Variants in ASS1 observed in about 807,000 individuals in gnomAD.
The protein encoded by ASS1 is argininosuccinate synthase.
In ASS1, 58 loss-of-function variants were observed where a neutral mutation model predicts 60.5. The observed-to-expected ratio is 0.96, with a 90% confidence interval of 0.78 to 1.19. The LOEUF (loss-of-function observed/expected upper bound fraction) is 1.19. ASS1 is among the 50% of genes most tolerant of loss of function. The pLI, the probability that ASS1 is intolerant of heterozygous loss-of-function variation, is 0.00. For synonymous variants in ASS1, 200 were observed against 206.9 expected (o/e 0.97, Z 0.29); for missense variants, 454 against 547.3 (o/e 0.83, Z 1.70).
intron 6 of ASS1, among the ~76,000 whole-genome samples, chr9:130,468,590 C>T (rs502166): frequency 0.92 from 140,223 of 152,130 alleles, 65,657 homozygotes; most frequent in East Asian, 1. Flanking sequence ...TTTTGTTTTT[C>T]ATATATTTAT....
intron 2 of ASS1, 21 bp from the exon 3 acceptor site, chr9:130,454,284 C>T: frequency 6.2e-7 from 1 of 1,606,376 alleles, no homozygotes; most frequent in Non-Finnish European, 8.5e-7. Flanking sequence ...CTGACGGAGC[C>T]TCTCCGCTTC....
intron 6 of ASS1, among the ~76,000 whole-genome samples, chr9:130,467,301 C>T (rs1845766342): frequency 6.6e-6 from 1 of 152,184 alleles, no homozygotes; most frequent in Admixed American, 6.5e-5. Flanking sequence ...TTTTATGGCA[C>T]CAGCCCTTTT....
chr9:130,493,747 T>TGGCCTGCC (rs1230800845), intron 12 of ASS1, among the ~76,000 whole-genome samples: 1 of 150,832 alleles, frequency 6.6e-6, no homozygotes, highest in Non-Finnish European at 1.5e-5. Flanking sequence ...CCCCCCGCCA[T>TGGCCTGCC]GGCCTGCCTG....
chr9:130,470,814 G>A lies in ASS1; in HGVS notation c.496-20G>A, dbSNP rs1845848812. ...CCTTCCAGCCGCCTTACCTCCACCTGTGCTGTCTCTTTCCTGCAGCAACAC... is the reference window on the plus strand; with the variant it reads ...CCTTCCAGCCGCCTTACCTCCACCTATGCTGTCTCTTTCCTGCAGCAACAC... On this transcript the variant is annotated intron_variant, in intron 6 of 14. Coordinates refer to ENST00000352480, the MANE Select transcript of ASS1 (RefSeq NM_054012.4). This position sits in a 1 kb window ranked among gnomAD's most constrained non-coding sequence, Gnocchi z 4.3. 1 of 1,613,372 alleles carries A rather than the reference G, an allele frequency of 6.2e-7. No individual in the cohort carries two copies. Among genetic ancestry groups the A allele is most frequent in the Admixed American group, 1.7e-5 (1 of 60,024 alleles).
intron 11 of ASS1, among the ~76,000 whole-genome samples, chr9:130,484,235 C>T (rs994558593): frequency 6.6e-6 from 1 of 152,150 alleles, no homozygotes; most frequent in Non-Finnish European, 1.5e-5. Context: ...AGCCTTTAGT[C>T]CAGGTGCCCT....
chr9:130,475,006 C>T (rs1845979866), intron 8 of ASS1, among the ~76,000 whole-genome samples: 1 of 152,194 alleles, frequency 6.6e-6, no homozygotes, highest in Non-Finnish European at 1.5e-5. Flanking sequence ...TCACATCGTA[C>T]CTTGGAGGTG....
rs771640767 is a variant in ASS1, at chr9:130,489,405, G to C, written c.911G>C (p.Arg304Pro). The C allele has an allele frequency of 6.2e-7, 1 of 1,613,908 alleles. No individual in the cohort carries two copies. Among genetic ancestry groups the C allele is most frequent in the African/African-American group, 1.3e-5 (1 of 74,848 alleles). ...HLDIEAFTMD[R>P]EVRKIKQGLG... ...GACATCGAGGCCTTCACCATGGACC[G>C]GGAAGTGCGCAAAATCAAACAAGGC... Residue 304 changes from arginine (R) to proline (P), a missense_variant, in exon 12 of 15, where the codon CGG (arginine) becomes CCG (proline). Transcript: ENST00000352480. The surrounding 1 kb of genome is among the most constrained non-coding windows in gnomAD (Gnocchi z 4.1).
intron 11 of ASS1, among the ~76,000 whole-genome samples, chr9:130,485,216 C>T (rs184724703): frequency 3.3e-4 from 50 of 152,342 alleles, no homozygotes; most frequent in African/African-American, 1.1e-3. Flanking sequence ...ATGCTGTGGC[C>T]TCGAATGTTC....
At chr9:130,449,928 A>T (rs1240007520) in intron 1 of ASS1, among the ~76,000 whole-genome samples, 1 of 152,208 alleles carries the variant, frequency 6.6e-6, no homozygotes, top group African/African-American at 2.4e-5. Context: ...AAACTTTGTT[A>T]TGATGTTGGC....
chr9:130,467,279 G>A (rs1036951240), intron 6 of ASS1, among the ~76,000 whole-genome samples: 4 of 152,186 alleles, frequency 2.6e-5, no homozygotes, highest in Non-Finnish European at 4.4e-5. Flanking sequence ...AGGGACAGTC[G>A]CAGACAAAGC....
intron 3 of ASS1, among the ~76,000 whole-genome samples, chr9:130,456,428 T>C (rs960871426): frequency 6.6e-6 from 1 of 151,942 alleles, no homozygotes; most frequent in African/African-American, 2.4e-5. Flanking sequence ...ATCACACCAT[T>C]GCACTCCATC....
rs79576332 is a variant in ASS1 at position 130,470,191 on chromosome 9, G to A, written c.496-643G>A. Among the ~76,000 whole-genome samples the A allele has an allele frequency of 0.027, 4,134 of 152,322 alleles. 46 individuals carry two copies. Among genetic ancestry groups the A allele is most frequent in the Middle Eastern group, 0.058 (17 of 294 alleles). On this transcript the variant is annotated intron_variant, in intron 6 of 14. Coordinates refer to ENST00000352480, the MANE Select transcript of ASS1 (RefSeq NM_054012.4). This position sits in a 1 kb window ranked among gnomAD's most constrained non-coding sequence, Gnocchi z 4.3. ...AGCCCTCTTAGCCTGGGCCTCCTGG[G>A]CAGAGGTGGGTGTCCTCCTGTAACA...
intron 11 of ASS1, among the ~76,000 whole-genome samples, chr9:130,487,581 A>ACC (rs1554724348): frequency 6.6e-6 from 1 of 151,584 alleles, no homozygotes; most frequent in African/African-American, 2.4e-5. Flanking sequence ...GGCCCCATGA[A>ACC]ACTCCCCATT....
intron 8 of ASS1, among the ~76,000 whole-genome samples, chr9:130,474,884 G>A (rs1160703752): frequency 6.6e-6 from 1 of 152,210 alleles, no homozygotes; most frequent in Admixed American, 6.5e-5. Flanking sequence ...CATCAGGCTG[G>A]GGGTCCCTCA....
Position 130,494,393 on chromosome 9 carries a change from A to C in ASS1, c.971-474A>C, listed in dbSNP as rs62579979. 0.099 allele frequency among the ~76,000 whole-genome samples: 15,072 copies of C among 152,276 alleles called. 830 individuals are homozygous for C. The highest frequency in any genetic ancestry group is 0.1 in the Non-Finnish European group (7,138 of 68,006). On this transcript the variant is annotated intron_variant, in intron 12 of 14. Transcript: ENST00000352480. This position sits in a 1 kb window ranked among gnomAD's most constrained non-coding sequence, Gnocchi z 4.3. ...AGAGAGGGGAAGGCTATGCATGGCC[A>C]TGGTCTGAACCACCACCCAGCTGCC...
chr9:130,470,717 G>A lies in ASS1; in HGVS notation c.496-117G>A. Reference sequence around the variant, plus strand: ...TGACCAACACTAGGAGGTAGCCAGGGTCTTGTCTGAATGGGGGCCAGAGTT... The same window carrying A: ...TGACCAACACTAGGAGGTAGCCAGGATCTTGTCTGAATGGGGGCCAGAGTT... On this transcript the variant is annotated intron_variant, in intron 6 of 14. Transcript: ENST00000352480. This position sits in a 1 kb window ranked among gnomAD's most constrained non-coding sequence, Gnocchi z 4.3. The A allele has an allele frequency of 2.0e-6, 2 of 1,011,202 alleles. No homozygotes were observed. Among genetic ancestry groups the A allele is most frequent in the Admixed American group, 1.7e-5 (1 of 59,238 alleles). 62.6% of individuals were successfully genotyped at this position (1,011,202 alleles called of 1,614,324 possible). A position where few individuals can be genotyped will look rare whatever the true frequency, so the allele number is the denominator to read the frequency against.
chr9:130,471,071 C>A (rs1421041602), intron 7 of ASS1, among the ~76,000 whole-genome samples, 167 bp downstream of exon 7: 1 of 152,210 alleles, frequency 6.6e-6, no homozygotes, highest in Non-Finnish European at 1.5e-5. Flanking sequence ...TCATGCACTG[C>A]CCTCATTGCA....
In ASS1 at chr9:130,471,481, G is replaced by C; in HGVS notation, c.567-4G>C. The C allele has an allele frequency of 6.2e-7, 1 of 1,614,054 alleles. No homozygotes were observed. The highest frequency in any genetic ancestry group is 1.3e-5 in the African/African-American group (1 of 75,032). Reference sequence around the variant, plus strand: ...TGACCCTGTCTTTCCTTTCCCCTCCGCAGCTACGAGGCTGGAATCCTGGAG... The same window carrying C: ...TGACCCTGTCTTTCCTTTCCCCTCCCCAGCTACGAGGCTGGAATCCTGGAG... On this transcript the variant is annotated splice_region_variant and splice_polypyrimidine_tract_variant and intron_variant, in intron 7 of 14. Transcript: ENST00000352480.
At chr9:130,448,513 C>G (rs1055168150) in intron 1 of ASS1, among the ~76,000 whole-genome samples, 4 of 152,130 alleles carry the variant, frequency 2.6e-5, no homozygotes, top group African/African-American at 9.7e-5. Context: ...CTGAAGGCCT[C>G]AGAGCCCACA....
Sources: gnomAD v4.1 joint callset for allele counts (sites outside exome capture counted in the v4.1 genomes callset) on GRCh38, gnomAD v4.1.1 for gene constraint, Gnocchi (gnomAD v3.1) non-coding constraint, MANE v1.5 for transcripts, NCBI Gene and HGNC (gene_info 2026-07-23, HGNC 2026-07-21) for gene names.